GADL1: variants seen among roughly 807,000 people sequenced by gnomAD.
GADL1 encodes GAD like acidic amino acid decarboxylase 1, also known as acidic amino acid decarboxylase GADL1.
A neutral mutation model predicts 69.5 loss-of-function variants in GADL1; 71 were observed. That is an observed-to-expected ratio of 1.02 (90% CI 0.84 to 1.25). GADL1 has a LOEUF of 1.25. Among genes scored for constraint, GADL1 ranks in the 50% most tolerant of loss-of-function variants. The pLI is 0.00. For missense variants in GADL1, 737 were observed against 631.8 expected, an observed-to-expected ratio of 1.17 and a Z score of -1.79; for synonymous variants, 254 against 214.4, an observed-to-expected ratio of 1.18 and a Z score of -1.62.
At chr3:30,859,875 G>C (rs2125536181) in intron 2 of GADL1, among the ~76,000 whole-genome samples, 1 of 151,992 alleles carries the variant, frequency 6.6e-6, no homozygotes, top group African/African-American at 2.4e-5. Flanking sequence ...TGGGTAGCCT[G>C]CACATCTATT....
chr3:30,823,515 A>C (rs9851959), intron 11 of GADL1, among the ~76,000 whole-genome samples: 41,788 of 151,766 alleles, frequency 0.28, 6,849 homozygotes, highest in African/African-American at 0.46. Context: ...CCTCAGATAC[A>C]CATAAAAATG....
At chr3:30,871,506 T>C (rs1698480588) in intron 1 of GADL1, among the ~76,000 whole-genome samples, 1 of 151,792 alleles carries the variant, frequency 6.6e-6, no homozygotes, top group African/African-American at 2.4e-5. Flanking sequence ...AGACAGCTTT[T>C]CTCTCCTCCA....
intron 14 of GADL1, among the ~76,000 whole-genome samples, chr3:30,739,249 C>T (rs1263985825): frequency 6.6e-6 from 1 of 152,154 alleles, no homozygotes; most frequent in Admixed American, 6.6e-5. Flanking sequence ...ACCTAAGAGA[C>T]ATCTTGTTCT....
intron 3 of GADL1, 110 bp from the exon 4 acceptor site, chr3:30,854,899 A>G: frequency 3.1e-6 from 2 of 638,330 alleles, no homozygotes; most frequent in Non-Finnish European, 5.5e-6. Flanking sequence ...CACACACAGA[A>G]GAGTTATATA....
intron 14 of GADL1, among the ~76,000 whole-genome samples, chr3:30,741,617 A>G (rs1219840264): frequency 6.6e-6 from 1 of 152,164 alleles, no homozygotes; most frequent in Non-Finnish European, 1.5e-5. Context: ...AGTCTCCTAG[A>G]GGACATCCAG....
At chr3:30,763,922 A>G (rs2125487252) in intron 14 of GADL1, among the ~76,000 whole-genome samples, 1 of 152,278 alleles carries the variant, frequency 6.6e-6, no homozygotes, top group South Asian at 2.1e-4. Flanking sequence ...TGATTTTATA[A>G]ATTCTCTTGA....
chr3:30,755,980 G>A (rs1695960820), intron 14 of GADL1, among the ~76,000 whole-genome samples: 1 of 152,068 alleles, frequency 6.6e-6, no homozygotes, highest in Admixed American at 6.6e-5. Context: ...TAAGACCTCA[G>A]CTGCTTGATA....
At position 30,871,312 on chromosome 3, in the gene GADL1, C is replaced by T. The variant is rs192134753; in HGVS notation, c.38-9547G>A. 1.2e-3 allele frequency among the ~76,000 whole-genome samples: 172 copies of T among 147,848 alleles called. 5 individuals carry two copies. The highest frequency in any genetic ancestry group is 4.0e-3 in the African/African-American group (162 of 40,074). On this transcript the variant is annotated intron_variant, in intron 1 of 14. Coordinates refer to ENST00000282538, the MANE Select transcript of GADL1 (RefSeq NM_207359.3). The stretch of plus-strand genomic sequence containing the variant: ...CTGGTGTAAAGTTTAGGTGTGAAAC[C>T]AAGAATTGAAGGAAGAGAGAAATGA...
At chr3:30,744,716 A>C (rs993234208) in intron 14 of GADL1, among the ~76,000 whole-genome samples, 4 of 152,168 alleles carry the variant, frequency 2.6e-5, no homozygotes, top group African/African-American at 9.7e-5. Context: ...ACTGTCTCCA[A>C]AAAGAAAAGA....
chr3:30,842,456 T>A (rs1697983972), intron 8 of GADL1, among the ~76,000 whole-genome samples: 1 of 152,040 alleles, frequency 6.6e-6, no homozygotes, highest in African/African-American at 2.4e-5. Context: ...ATGATATTAG[T>A]CTCTTGGTTT....
intron 11 of GADL1, 131 bp from the exon 12 acceptor site, chr3:30,801,219 C>T (rs1160268650): frequency 4.5e-6 from 3 of 664,644 alleles, no homozygotes; most frequent in East Asian, 2.7e-5. Context: ...GACTGCCTTA[C>T]ATCAGACACA....
chr3:30,857,999 C>T (rs1299859332), intron 2 of GADL1, among the ~76,000 whole-genome samples: 1 of 151,980 alleles, frequency 6.6e-6, no homozygotes, highest in Non-Finnish European at 1.5e-5. Flanking sequence ...CAACAGCAAT[C>T]CTGACTCCCT....
At chr3:30,755,562 G>A (rs923383543) in intron 14 of GADL1, among the ~76,000 whole-genome samples, 16 of 150,310 alleles carry the variant, frequency 1.1e-4, no homozygotes, top group Non-Finnish European at 1.9e-4. Flanking sequence ...AATATGTTAC[G>A]ACAGGAAATC....
intron 1 of GADL1, among the ~76,000 whole-genome samples, chr3:30,873,336 T>G (rs1698519978): frequency 6.6e-6 from 1 of 151,964 alleles, no homozygotes; most frequent in South Asian, 2.1e-4. Flanking sequence ...GATGAAGATA[T>G]CTTTATTAAC....
intron 1 of GADL1, among the ~76,000 whole-genome samples, chr3:30,885,830 C>A (rs1013640190): frequency 6.6e-6 from 1 of 151,970 alleles, no homozygotes; most frequent in Non-Finnish European, 1.5e-5. Flanking sequence ...TGGTTTCGAA[C>A]TCCTGATCTC....
chr3:30,740,636 A>G (rs1005499094), intron 14 of GADL1, among the ~76,000 whole-genome samples: 5 of 151,988 alleles, frequency 3.3e-5, no homozygotes, highest in South Asian at 2.1e-4. Context: ...GGTAATCACT[A>G]TTCAACTCCT....
At chr3:30,788,448 C>T (rs879788612) in intron 12 of GADL1, among the ~76,000 whole-genome samples, 2 of 152,164 alleles carry the variant, frequency 1.3e-5, no homozygotes, top group Admixed American at 1.3e-4. Context: ...TTATCTGAGA[C>T]TTCAGTGAGT....
chr3:30,855,906 A>T (rs1213952610), intron 3 of GADL1, among the ~76,000 whole-genome samples: 1 of 146,726 alleles, frequency 6.8e-6, no homozygotes, highest in African/African-American at 2.6e-5. Flanking sequence ...CAGCTTAAAC[A>T]TGGAAAACTT....
At chr3:30,748,124 C>T (rs1197541396) in intron 14 of GADL1, among the ~76,000 whole-genome samples, 1 of 152,184 alleles carries the variant, frequency 6.6e-6, no homozygotes, top group African/African-American at 2.4e-5. Flanking sequence ...AAAGGGATGA[C>T]TTGGTGTTTT....
Sources: gnomAD v4.1 joint callset for allele counts (sites outside exome capture counted in the v4.1 genomes callset) on GRCh38, gnomAD v4.1.1 for gene constraint, MANE v1.5 for transcripts, NCBI Gene and HGNC (gene_info 2026-07-23, HGNC 2026-07-21) for gene names.